Variants in STX8 observed in about 807,000 individuals in gnomAD.
STX8 encodes syntaxin-8.
Under a neutral mutation model 37.5 loss-of-function variants are expected in STX8, and 23 were observed. That is an observed-to-expected ratio of 0.61 (90% CI 0.44 to 0.87). The LOEUF is 0.87. STX8 is among the 40% of genes least tolerant of loss of function. The pLI, the probability that STX8 is intolerant of heterozygous loss-of-function variation, is 0.00. For missense variants in STX8, 313 were observed against 284.7 expected (o/e 1.10, Z -0.71); for synonymous variants, 115 against 99.1 (o/e 1.16, Z -0.95).
At chr17:9,339,883 T>C (rs1910282123) in intron 7 of STX8, among the ~76,000 whole-genome samples, 1 of 152,234 alleles carries the variant, frequency 6.6e-6, no homozygotes, top group South Asian at 2.1e-4. Flanking sequence ...TGACTATTAT[T>C]ATGAATGCTT....
At chr17:9,257,716 G>T (rs34940333) in intron 7 of STX8, among the ~76,000 whole-genome samples, 1 of 152,128 alleles carries the variant, frequency 6.6e-6, no homozygotes, top group Non-Finnish European at 1.5e-5. Context: ...GGCCAGGCGT[G>T]GTGACTTATG....
intron 7 of STX8, among the ~76,000 whole-genome samples, chr17:9,340,621 T>C (rs1271119789): frequency 5.3e-5 from 8 of 151,470 alleles, no homozygotes; most frequent in Non-Finnish European, 2.9e-5. Flanking sequence ...AGTGAATATA[T>C]TGCTGTTTCT....
chr17:9,556,821 T>TATATATATATATATATA (rs1324971087), intron 3 of STX8: 17 of 138,942 alleles, frequency 1.2e-4, no homozygotes, highest in South Asian at 2.3e-4. Flanking sequence ...ATATATATAT[T>TATATATATATATATATA]TTAACACTTG....
At chr17:9,527,204 G>C (rs1450492495) in intron 4 of STX8, among the ~76,000 whole-genome samples, 2 of 26,358 alleles carry the variant, frequency 7.6e-5, no homozygotes, top group African/African-American at 2.4e-4. Context: ...AAAAAAAAAA[G>C]AGGCTGAGGC....
chr17:9,495,009 C>G (rs2142483118), intron 5 of STX8, among the ~76,000 whole-genome samples: 1 of 152,204 alleles, frequency 6.6e-6, no homozygotes, highest in African/African-American at 2.4e-5. Context: ...GGCTTATCTA[C>G]AAAAGCAAAA....
At chr17:9,440,024 T>C (rs1201538145) in intron 6 of STX8, among the ~76,000 whole-genome samples, 1 of 152,096 alleles carries the variant, frequency 6.6e-6, no homozygotes, top group Admixed American at 6.5e-5. Context: ...TTGGTCAGGA[T>C]GGACAGGGGA....
At position 9,345,848 on chromosome 17, in the gene STX8, C is replaced by CTTTCTTTTTT. The variant is rs1555599095; in HGVS notation, c.643+32703_643+32704insAAAAAAGAAA. On this transcript the variant is annotated intron_variant, in intron 7 of 7. Coordinates refer to ENST00000306357, the MANE Select transcript of STX8 (RefSeq NM_004853.3). The stretch of plus-strand genomic sequence containing the variant: ...CATTATACCTCCGGGTTATGCATTC[C>CTTTCTTTTTT]TTTTTTTTTTTTTTTTTTTTGAGAT... 3.8e-5 allele frequency among the ~76,000 whole-genome samples: 2 copies of CTTTCTTTTTT among 52,076 alleles called. 1 individual carries two copies. The highest frequency in any genetic ancestry group is 1.4e-4 in the African/African-American group (2 of 14,630). The allele number at this position is 52,076 out of a possible 152,430, so 34.2% of individuals were successfully genotyped here. A position where few individuals can be genotyped will look rare whatever the true frequency, so the allele number is the denominator to read the frequency against.
chr17:9,304,576 T>C (rs1407503368), intron 7 of STX8, among the ~76,000 whole-genome samples: 1 of 151,726 alleles, frequency 6.6e-6, no homozygotes, highest in African/African-American at 2.4e-5. Flanking sequence ...ATAAAGCTCT[T>C]AGGTTTAATC....
intron 4 of STX8, among the ~76,000 whole-genome samples, chr17:9,529,194 G>T (rs999481275): frequency 6.6e-6 from 1 of 151,942 alleles, no homozygotes; most frequent in African/African-American, 2.4e-5. Flanking sequence ...GGCTAAGTTT[G>T]CCCTTCTGTT....
intron 6 of STX8, among the ~76,000 whole-genome samples, chr17:9,381,237 T>C (rs1426824499): frequency 3.3e-5 from 5 of 150,220 alleles, no homozygotes; most frequent in African/African-American, 1.3e-4. Context: ...CTATTATATT[T>C]TTCATTTTGT....
At position 9,434,694 on chromosome 17, in the gene STX8, C is replaced by T. The variant is rs996257551; in HGVS notation, c.542-56041G>A. Among the ~76,000 whole-genome samples, 6 of 152,192 alleles carry T rather than the reference C, an allele frequency of 3.9e-5. No homozygotes were observed. The South Asian group carries it at 6.2e-4, about 16-fold the overall frequency. On this transcript the variant is annotated intron_variant, in intron 6 of 7. Transcript: ENST00000306357. ...AATTCAAGGGTGAGCCAGAGGTGAGCGGCAGTGTGCAGCAGAGGTACTGTT... is the reference window on the plus strand; with the variant it reads ...AATTCAAGGGTGAGCCAGAGGTGAGTGGCAGTGTGCAGCAGAGGTACTGTT...
intron 7 of STX8, among the ~76,000 whole-genome samples, chr17:9,279,040 T>C (rs768097766): frequency 6.6e-6 from 1 of 150,900 alleles, no homozygotes; most frequent in Non-Finnish European, 1.5e-5. Flanking sequence ...TTGTCATTAT[T>C]ATTCTGTGTG....
At position 9,329,942 on chromosome 17, in the gene STX8, G is replaced by A. The variant is rs1004128566; in HGVS notation, c.643+48610C>T. Among the ~76,000 whole-genome samples the A allele has an allele frequency of 3.6e-4, 55 of 152,130 alleles. 1 individual carries two copies. The highest frequency in any genetic ancestry group is 9.7e-5 in the African/African-American group (4 of 41,412). ...GGTCAGATTGGAAGCAGCAGACCCC[G>A]AAGCGTGCTGATCCTGAGGCAGAGG... On this transcript the variant is annotated intron_variant, in intron 7 of 7. Transcript: ENST00000306357.
At chr17:9,260,653 A>G (rs967148565) in intron 7 of STX8, among the ~76,000 whole-genome samples, 13 of 136,818 alleles carry the variant, frequency 9.5e-5, no homozygotes, top group African/African-American at 4.0e-4. Context: ...CAAACAAACA[A>G]ACAACTGTGG....
intron 7 of STX8, among the ~76,000 whole-genome samples, chr17:9,370,297 C>T (rs1256942802): frequency 1.3e-5 from 2 of 152,188 alleles, no homozygotes; most frequent in African/African-American, 2.4e-5. Flanking sequence ...ATTGTGCCAC[C>T]TAACTGTTCT....
chr17:9,448,906 G>A (rs1190363398), intron 6 of STX8, among the ~76,000 whole-genome samples: 2 of 151,996 alleles, frequency 1.3e-5, no homozygotes, highest in African/African-American at 4.8e-5. Context: ...TGAAAGGTAA[G>A]GGTCAGTTCT....
chr17:9,292,370 AG>A (rs1893470723), intron 7 of STX8, among the ~76,000 whole-genome samples: 1 of 152,228 alleles, frequency 6.6e-6, no homozygotes, highest in Admixed American at 6.5e-5. Flanking sequence ...GTGTGGTGGA[AG>A]GGAGAGTGAC....
chr17:9,540,431 T>C (rs1769434221), intron 4 of STX8, among the ~76,000 whole-genome samples: 1 of 152,174 alleles, frequency 6.6e-6, no homozygotes. Flanking sequence ...TGGACAAGCA[T>C]ATGCGGACAT....
At chr17:9,269,351 T>TAA (rs1453863124) in intron 7 of STX8, among the ~76,000 whole-genome samples, 2 of 152,152 alleles carry the variant, frequency 1.3e-5, no homozygotes, top group African/African-American at 4.8e-5. Flanking sequence ...CGTAAGGGCT[T>TAA]AAACAGACCC....
Sources: allele counts gnomAD v4.1 joint callset (sites outside exome capture counted in the v4.1 genomes callset), GRCh38; gene constraint gnomAD v4.1.1; transcripts MANE v1.5; gene names NCBI Gene and HGNC (gene_info 2026-07-23, HGNC 2026-07-21).